RBFOX1: variants seen among roughly 807,000 people sequenced by gnomAD.
RBFOX1 encodes the protein RNA binding protein fox-1 homolog 1.
Under a neutral mutation model 57.7 loss-of-function variants are expected in RBFOX1, and 8 were observed. The observed-to-expected ratio is 0.14, with a 90% CI of 0.08 to 0.25. RBFOX1 has a LOEUF of 0.25. RBFOX1 is among the 10% of genes least tolerant of loss of function. The probability of loss-of-function intolerance (pLI) is 1.00; values close to 1 mark genes in which losing one functional copy is unlikely to be tolerated. For missense variants in RBFOX1, 611 were observed against 548.5 expected (o/e 1.11, Z -1.14); for synonymous variants, 326 against 222.4 (o/e 1.47, Z -4.15).
chr16:6,577,063 A>T (rs1266892985), intron 2 of RBFOX1: 1 of 152,166 alleles, frequency 6.6e-6, no homozygotes, highest in Non-Finnish European at 1.5e-5. Flanking sequence ...TGTCTTTGGG[A>T]TGCTCCAAAC....
intron 3 of RBFOX1, among the ~76,000 whole-genome samples, chr16:6,792,862 C>G (rs777154013): frequency 6.6e-6 from 1 of 151,992 alleles, no homozygotes; most frequent in Non-Finnish European, 1.5e-5. Context: ...AACCCTGTCT[C>G]TACTAAAAAT....
chr16:6,897,765 C>T (rs182809898), intron 3 of RBFOX1, among the ~76,000 whole-genome samples: 1 of 152,104 alleles, frequency 6.6e-6, no homozygotes, highest in Non-Finnish European at 1.5e-5. Flanking sequence ...TACACTCCAG[C>T]CTTGGATGAC....
rs558444539 is a variant in RBFOX1 at position 7,138,261 on chromosome 16, G to C, written c.27+86163G>C. On this transcript the variant is annotated intron_variant, in intron 4 of 15. Coordinates refer to ENST00000550418, the MANE Select transcript of RBFOX1 (RefSeq NM_018723.4). Reference sequence around the variant, plus strand: ...ATGGTAAGATTGCTGAGAGGGTGCAGATATAAAGGGAGAAAAATAAGAGGC... The same window carrying C: ...ATGGTAAGATTGCTGAGAGGGTGCACATATAAAGGGAGAAAAATAAGAGGC... Among the ~76,000 whole-genome samples, 4 of 152,282 alleles carry C rather than the reference G, an allele frequency of 2.6e-5. No individual in the cohort carries two copies. The South Asian group carries it at 8.3e-4, about 32-fold the overall frequency.
At chr16:5,814,083 C>A (rs912215618) in intron 3 of RBFOX1, among the ~76,000 whole-genome samples, 1 of 152,176 alleles carries the variant, frequency 6.6e-6, no homozygotes, top group African/African-American at 2.4e-5. Context: ...AACCTTCCAT[C>A]TCGAAGTTAA....
chr16:5,734,982 A>G (rs1460018607), intron 3 of RBFOX1, among the ~76,000 whole-genome samples: 1 of 152,202 alleles, frequency 6.6e-6, no homozygotes, highest in African/African-American at 2.4e-5. Flanking sequence ...ACTGGCCACA[A>G]AAAAGAAAGA....
Position 5,515,746 on chromosome 16 carries a change from C to G in RBFOX1, c.258+48492C>G, listed in dbSNP as rs1283346908. On this transcript the variant is annotated intron_variant, in intron 2 of 2. Coordinates refer to the RBFOX1 transcript ENST00000585867. ...GCTGCAGAGAAGCTTTGGAAAGTATCAAGACTGGTGAGACTTGCTGCCTCT... is the reference window on the plus strand; with the variant it reads ...GCTGCAGAGAAGCTTTGGAAAGTATGAAGACTGGTGAGACTTGCTGCCTCT... Among the ~76,000 whole-genome samples the G allele has an allele frequency of 3.3e-5, 5 of 152,134 alleles. No homozygotes were observed. The South Asian group carries it at 1.0e-3, about 32-fold the overall frequency.
At chr16:5,510,584 AGTTTAGG>A (rs1204859704) in intron 2 of RBFOX1, among the ~76,000 whole-genome samples, 1 of 152,046 alleles carries the variant, frequency 6.6e-6, no homozygotes, top group African/African-American at 2.4e-5. Flanking sequence ...GCCAGGGTGA[AGTTTAGG>A]GCTTAGGGGG....
rs2084044643 is a variant in RBFOX1 at position 7,711,835 on chromosome 16, T to A, written c.*1090T>A. 1 of 152,572 alleles carries A rather than the reference T, an allele frequency of 6.6e-6. No homozygotes were observed. Among genetic ancestry groups the A allele is most frequent in the South Asian group, 2.1e-4 (1 of 4,816 alleles). The allele number at this position is 152,572 out of a possible 1,614,324, so 9.5% of individuals were successfully genotyped here. A position where few individuals can be genotyped will look rare whatever the true frequency, so the allele number is the denominator to read the frequency against. ...AGCATTTTACAAGTATTGCAATCAT[T>A]GAGTAGAGATAATCATGGTATTTTC... On this transcript the variant is annotated 3_prime_UTR_variant, in exon 16 of 16. Transcript: ENST00000550418.
At chr16:7,407,607 A>G (rs1391937356) in intron 4 of RBFOX1, among the ~76,000 whole-genome samples, 1 of 152,184 alleles carries the variant, frequency 6.6e-6, no homozygotes, top group Non-Finnish European at 1.5e-5. Context: ...AGTGTTCAAT[A>G]GAAATACAGA....
chr16:5,785,383 G>C (rs541772638), intron 3 of RBFOX1, among the ~76,000 whole-genome samples: 1 of 152,246 alleles, frequency 6.6e-6, no homozygotes, highest in East Asian at 1.9e-4. Context: ...GCATGGGGGT[G>C]GTGGGGCAGG....
intron 3 of RBFOX1, among the ~76,000 whole-genome samples, chr16:5,620,160 G>A (rs1262978380): frequency 1.3e-5 from 2 of 152,038 alleles, no homozygotes; most frequent in African/African-American, 4.8e-5. Flanking sequence ...TGGAACCCGA[G>A]GAGCTTTGCG....
chr16:7,519,261 C>T (rs369057724), intron 5 of RBFOX1, among the ~76,000 whole-genome samples: 1 of 152,108 alleles, frequency 6.6e-6, no homozygotes, highest in Non-Finnish European at 1.5e-5. Flanking sequence ...TAGCCTAATA[C>T]ATTTGAGATT....
chr16:5,267,266 A>G (rs149029184), intron 1 of RBFOX1, among the ~76,000 whole-genome samples: 20 of 151,192 alleles, frequency 1.3e-4, no homozygotes, highest in African/African-American at 4.9e-4. Context: ...CCATATAAAC[A>G]TTAATTCTGT....
chr16:6,560,654 G>A (rs747837331), intron 2 of RBFOX1, among the ~76,000 whole-genome samples: 30 of 152,164 alleles, frequency 2.0e-4, no homozygotes, highest in Admixed American at 3.3e-4. Context: ...AGTAAAATAG[G>A]GTCTTGACTT....
chr16:7,003,994 T>TG (rs894745136), intron 3 of RBFOX1: 4 of 151,922 alleles, frequency 2.6e-5, no homozygotes, highest in Middle Eastern at 3.4e-3. Context: ...AGGGGTTTTT[T>TG]TTTTTTTTTT....
intron 3 of RBFOX1, among the ~76,000 whole-genome samples, chr16:6,955,041 G>C (rs1434801401): frequency 6.7e-6 from 1 of 149,244 alleles, no homozygotes; most frequent in South Asian, 2.2e-4. Context: ...GACAAGCCTG[G>C]GCAACACTGG....
intron 2 of RBFOX1, among the ~76,000 whole-genome samples, chr16:6,539,911 C>G (rs768457234): frequency 1.3e-5 from 2 of 152,048 alleles, no homozygotes; most frequent in Non-Finnish European, 1.5e-5. Flanking sequence ...ACCTTCTCCA[C>G]CAAGGCAAGG....
intron 4 of RBFOX1, among the ~76,000 whole-genome samples, chr16:7,458,792 C>T (rs2059016933): frequency 6.6e-6 from 1 of 152,138 alleles, no homozygotes. Context: ...CTCTTCACTC[C>T]CACACACCCT....
At chr16:5,816,908 A>G (rs902534384) in intron 3 of RBFOX1, among the ~76,000 whole-genome samples, 1 of 152,302 alleles carries the variant, frequency 6.6e-6, no homozygotes. Context: ...TTTATGGAGT[A>G]CCTGAGATGT....
Sources: gnomAD v4.1 joint callset for allele counts (sites outside exome capture counted in the v4.1 genomes callset) on GRCh38, gnomAD v4.1.1 for gene constraint, MANE v1.5 for transcripts, NCBI Gene and HGNC (gene_info 2026-07-23, HGNC 2026-07-21) for gene names.